SIAH1: variants seen among roughly 807,000 people sequenced by gnomAD.
SIAH1 encodes the protein E3 ubiquitin-protein ligase SIAH1.
Under a neutral mutation model 20.0 loss-of-function variants are expected in SIAH1, and 2 were observed. That is an observed-to-expected ratio of 0.10 (90% CI 0.04 to 0.31). The LOEUF is 0.31. Ranked by LOEUF, SIAH1 falls within the 10% of genes least tolerant of loss-of-function variation. SIAH1 has a pLI of 1.00. For missense variants in SIAH1, 119 were observed against 355.3 expected, an observed-to-expected ratio of 0.33 and a Z score of 5.35; for synonymous variants, 118 against 125.3, an observed-to-expected ratio of 0.94 and a Z score of 0.39.
intron 1 of SIAH1, among the ~76,000 whole-genome samples, chr16:48,377,865 C>A (rs1391873293): frequency 6.6e-6 from 1 of 151,866 alleles, no homozygotes; most frequent in Admixed American, 6.6e-5. Context: ...ATTGCTAAAG[C>A]CTTTGAGTTT....
At chr16:48,379,167 G>C (rs1369859311) in intron 1 of SIAH1, among the ~76,000 whole-genome samples, 1 of 151,878 alleles carries the variant, frequency 6.6e-6, no homozygotes, top group Non-Finnish European at 1.5e-5. Flanking sequence ...GACACATCCA[G>C]ATCTGACTCT....
intron 1 of SIAH1, among the ~76,000 whole-genome samples, chr16:48,366,284 G>T (rs1316234210): frequency 1.3e-5 from 2 of 152,258 alleles, no homozygotes; most frequent in Admixed American, 6.5e-5. Context: ...CTACGCTCCA[G>T]GTTTATCGTG....
chr16:48,370,504 T>C (rs1239858067), intron 1 of SIAH1, among the ~76,000 whole-genome samples: 1 of 152,134 alleles, frequency 6.6e-6, no homozygotes, highest in Non-Finnish European at 1.5e-5. Context: ...AAGTTAGACA[T>C]TTATCCCCAC....
At chr16:48,378,382 G>GA (rs1403159355) in intron 1 of SIAH1, among the ~76,000 whole-genome samples, 1 of 152,110 alleles carries the variant, frequency 6.6e-6, no homozygotes, top group Non-Finnish European at 1.5e-5. Flanking sequence ...ACAAAAGAAT[G>GA]AAAGAGTACA....
At chr16:48,379,729 G>A (rs1440964241) in intron 1 of SIAH1, among the ~76,000 whole-genome samples, 1 of 152,192 alleles carries the variant, frequency 6.6e-6, no homozygotes, top group Non-Finnish European at 1.5e-5. Flanking sequence ...CGAGCAGAGT[G>A]CTATGGGAAC....
chr16:48,377,996 C>G (rs148574015), intron 1 of SIAH1, among the ~76,000 whole-genome samples: 1 of 152,152 alleles, frequency 6.6e-6, no homozygotes, highest in African/African-American at 2.4e-5. Context: ...CATGGATAAG[C>G]AAATAATACT....
chr16:48,365,985 G>C (rs1960823102), intron 1 of SIAH1: 1 of 1,014,048 alleles, frequency 9.9e-7, no homozygotes, highest in Non-Finnish European at 1.2e-6. Flanking sequence ...GGCCAGTTCA[G>C]GGCGCGCGGC....
intron 1 of SIAH1, among the ~76,000 whole-genome samples, chr16:48,369,830 C>G (rs1960937631): frequency 6.6e-6 from 1 of 152,210 alleles, no homozygotes; most frequent in African/African-American, 2.4e-5. Flanking sequence ...TTGTACTAAG[C>G]TCCTAACTTT....
At chr16:48,377,390 CTTTT>C (rs774317002) in intron 1 of SIAH1, among the ~76,000 whole-genome samples, 5 of 132,104 alleles carry the variant, frequency 3.8e-5, no homozygotes, top group East Asian at 4.2e-4. Context: ...TTCTGGAAGA[CTTTT>C]TTTTTTTTTT....
chr16:48,380,942 A>AAAAAAAAAAAAAAAAAAAAAC, intron 1 of SIAH1, among the ~76,000 whole-genome samples: 1 of 150,134 alleles, frequency 6.7e-6, no homozygotes, highest in East Asian at 1.9e-4. Flanking sequence ...AAAAAAAAAA[A>AAAAAAAAAAAAAAAAAAAAAC]AAAGAACGGC....
At chr16:48,386,400 G>A (rs550285399), upstream of SIAH1, among the ~76,000 whole-genome samples, 4 of 152,182 alleles carry the variant, frequency 2.6e-5, no homozygotes, top group African/African-American at 7.2e-5. Flanking sequence ...CCAGCTACTC[G>A]GAGGCTGAGG....
In SIAH1 at chr16:48,362,422, G is replaced by A; in HGVS notation, c.7C>T (p.Arg3Cys). The change falls in exon 2 of 2, where the codon CGT (arginine) becomes TGT (cysteine). Residue 3 changes from arginine to cysteine, a missense_variant. Physicochemically the swap from Arg to Cys is radical, Grantham distance 180. This residue lies in a region of SIAH1 where 35 missense variants were observed against 47.5 expected (regional missense o/e 0.74). Transcript: ENST00000394725. The surrounding 1 kb of genome is among the most constrained non-coding windows in gnomAD (Gnocchi z 4.2). Reference protein sequence around the residue: MSRQTATALPTGT... With the variant: MSCQTATALPTGT... ...GTAGGTAATGCTGTAGCAGTCTGAC[G>A]GCTCATTTCTGAAATAAATACATAA... 1 of 1,613,806 alleles carries A rather than the reference G, an allele frequency of 6.2e-7. No individual in the cohort carries two copies. The highest frequency in any genetic ancestry group is 8.5e-7 in the Non-Finnish European group (1 of 1,179,904).
At position 48,378,347 on chromosome 16, in the gene SIAH1, T is replaced by C. The variant is rs59966044; in HGVS notation, c.-3+6857A>G. Among the ~76,000 whole-genome samples the C allele has an allele frequency of 5.5e-3, 840 of 152,170 alleles. 6 individuals carry two copies. Among genetic ancestry groups the C allele is most frequent in the African/African-American group, 0.019 (789 of 41,498 alleles). ...CAGCCTGGGCAACAAGAGTGAAACT[T>C]TGTCACAAAACAACAACAACAACAA... On this transcript the variant is annotated intron_variant, in intron 1 of 1. Coordinates refer to ENST00000394725, the MANE Select transcript of SIAH1 (RefSeq NM_003031.4).
intron 1 of SIAH1, among the ~76,000 whole-genome samples, chr16:48,375,713 T>C (rs1008548603): frequency 2.0e-5 from 3 of 152,206 alleles, no homozygotes; most frequent in Non-Finnish European, 4.4e-5. Flanking sequence ...CAATTTCATT[T>C]AGGTTAAAAG....
At chr16:48,371,012 G>A (rs1353730457) in intron 1 of SIAH1, among the ~76,000 whole-genome samples, 1 of 151,506 alleles carries the variant, frequency 6.6e-6, no homozygotes, top group African/African-American at 2.4e-5. Flanking sequence ...TACTACGGAA[G>A]CTGAGGCATA....
intron 1 of SIAH1, among the ~76,000 whole-genome samples, chr16:48,375,386 C>A (rs578116187): frequency 1.3e-5 from 2 of 152,196 alleles, no homozygotes; most frequent in African/African-American, 4.8e-5. Flanking sequence ...CGCCTGTAAT[C>A]CCAGCAACTT....
intron 1 of SIAH1, among the ~76,000 whole-genome samples, chr16:48,371,563 G>A (rs1192850924): frequency 6.6e-6 from 1 of 152,232 alleles, no homozygotes; most frequent in East Asian, 1.9e-4. Context: ...ATCATGGAGA[G>A]GAAAGAGCAG....
chr16:48,365,420 A>G, intron 1 of SIAH1: 1 of 1,614,050 alleles, frequency 6.2e-7, no homozygotes, highest in Non-Finnish European at 8.5e-7. Context: ...GCTGGTAAAC[A>G]TGTGAACAAG....
intron 1 of SIAH1, chr16:48,365,562 G>C (rs992943235): frequency 1.3e-6 from 2 of 1,533,188 alleles, no homozygotes; most frequent in African/African-American, 2.8e-5. Context: ...AAGCACAGAA[G>C]ACCCAAATTC....
Sources: allele counts gnomAD v4.1 joint callset (sites outside exome capture counted in the v4.1 genomes callset), GRCh38; gene constraint gnomAD v4.1.1; regional missense constraint gnomAD v4.1.1; non-coding constraint Gnocchi (gnomAD v3.1); transcripts MANE v1.5; gene names NCBI Gene and HGNC (gene_info 2026-07-23, HGNC 2026-07-21).